Variants in FHIT observed in about 807,000 individuals in gnomAD.
The protein encoded by FHIT is bis(5'-adenosyl)-triphosphatase.
In FHIT, 19 loss-of-function variants were observed where a neutral mutation model predicts 17.9. The observed-to-expected ratio is 1.06, with a 90% CI of 0.74 to 1.56. The LOEUF is 1.56. Ranked by LOEUF, FHIT falls within the 40% of genes most tolerant of loss-of-function variation. The probability of loss-of-function intolerance (pLI) is 0.00; values close to 1 mark genes in which losing one functional copy is unlikely to be tolerated. For synonymous variants in FHIT, 81 were observed against 69.7 expected (o/e 1.16, Z -0.81); for missense variants, 248 against 189.2 (o/e 1.31, Z -1.82).
chr3:60,402,630 T>C lies in FHIT; in HGVS notation c.103+134230A>G, dbSNP rs1343568963. 3.0e-4 allele frequency among the ~76,000 whole-genome samples: 45 copies of C among 152,280 alleles called. 1 individual carries two copies. ...GCACCAGATTTCTGACAGACACCTG[T>C]TTGCAAATTATCTAAGTTTCAGAGC... On this transcript the variant is annotated intron_variant, in intron 5 of 9. Coordinates refer to ENST00000492590, the MANE Select transcript of FHIT (RefSeq NM_002012.4).
chr3:60,221,026 A>G (rs78569366), intron 5 of FHIT, among the ~76,000 whole-genome samples: 2,115 of 152,264 alleles, frequency 0.014, 53 homozygotes, highest in African/African-American at 0.048. Context: ...TGAATTAACA[A>G]TAACACATTT....
At chr3:60,451,829 G>GA (rs961117908) in intron 5 of FHIT, among the ~76,000 whole-genome samples, 12 of 151,910 alleles carry the variant, frequency 7.9e-5, no homozygotes, top group African/African-American at 2.7e-4. Context: ...AGCAATATGG[G>GA]AAAAAAAGAA....
At position 60,014,017 on chromosome 3, in the gene FHIT, A is replaced by G; in HGVS notation, c.239T>C (p.Phe80Ser). The G allele has an allele frequency of 1.2e-6, 2 of 1,613,992 alleles. No individual in the cohort carries two copies. The highest frequency in any genetic ancestry group is 1.1e-5 in the South Asian group (1 of 91,078). Residue 80 changes from phenylalanine (F) to serine (S), a missense_variant, in exon 6 of 10, where the codon TTT becomes TCT. By Grantham distance (155) the Phe-to-Ser change is radical (BLOSUM62 -2). Coordinates refer to ENST00000492590, the MANE Select transcript of FHIT (RefSeq NM_002012.4). Reference protein sequence around the residue: ...EKHFHGTSLTFSMQDGPEAGQ... With the variant: ...EKHFHGTSLTSSMQDGPEAGQ... ...AATCTGTACACTCACCTGCATGGAA[A>G]AGGTGAGAGAGGTCCCATGGAAATG...
chr3:59,948,230 C>T (rs919750712), intron 7 of FHIT, among the ~76,000 whole-genome samples: 6 of 151,734 alleles, frequency 4.0e-5, no homozygotes, highest in African/African-American at 7.3e-5. Flanking sequence ...CTCGGCCAGG[C>T]GCAGTAGATC....
intron 3 of FHIT, among the ~76,000 whole-genome samples, chr3:61,031,242 C>A (rs1345257226): frequency 6.6e-6 from 1 of 152,174 alleles, no homozygotes; most frequent in South Asian, 2.1e-4. Flanking sequence ...TAATGATACA[C>A]AAACAAGTTA....
chr3:59,802,750 A>G (rs1237125129), intron 8 of FHIT, among the ~76,000 whole-genome samples: 1 of 152,154 alleles, frequency 6.6e-6, no homozygotes, highest in African/African-American at 2.4e-5. Flanking sequence ...CAATTGTTTT[A>G]TGTGCCCAGC....
chr3:60,641,304 A>AT (rs2039718997), intron 4 of FHIT, among the ~76,000 whole-genome samples: 1 of 152,202 alleles, frequency 6.6e-6, no homozygotes, highest in Non-Finnish European at 1.5e-5. Flanking sequence ...ATGTAAGAAT[A>AT]TTTTTACAAA....
intron 5 of FHIT, among the ~76,000 whole-genome samples, chr3:60,352,202 C>T (rs748785737): frequency 6.6e-6 from 1 of 152,092 alleles, no homozygotes; most frequent in Admixed American, 6.6e-5. Context: ...CCAAGAGAAG[C>T]AACTTAATTA....
chr3:60,098,713 T>C (rs966404510), intron 5 of FHIT, among the ~76,000 whole-genome samples: 1 of 152,222 alleles, frequency 6.6e-6, no homozygotes, highest in African/African-American at 2.4e-5. Flanking sequence ...AGAAGCTCTT[T>C]AGTTCTTACT....
At chr3:61,225,710 T>G (rs2039954002) in intron 1 of FHIT, among the ~76,000 whole-genome samples, 1 of 152,248 alleles carries the variant, frequency 6.6e-6, no homozygotes, top group African/African-American at 2.4e-5. Context: ...CTTTAGAGTT[T>G]TATTGGACTA....
At chr3:59,861,815 G>T (rs1398977538) in intron 8 of FHIT, among the ~76,000 whole-genome samples, 1 of 152,008 alleles carries the variant, frequency 6.6e-6, no homozygotes, top group Non-Finnish European at 1.5e-5. Flanking sequence ...AAACAATACA[G>T]CTGAGGAAGA....
chr3:59,758,882 T>C (rs1239561936), intron 8 of FHIT, among the ~76,000 whole-genome samples: 1 of 152,004 alleles, frequency 6.6e-6, no homozygotes, highest in Non-Finnish European at 1.5e-5. Flanking sequence ...GGGTGATGCA[T>C]TGGCCTTTAA....
At chr3:60,739,516 G>A (rs182711950) in intron 4 of FHIT, among the ~76,000 whole-genome samples, 2 of 152,302 alleles carry the variant, frequency 1.3e-5, no homozygotes, top group East Asian at 1.9e-4. Flanking sequence ...CCCCATGAGT[G>A]GGGCCAGGGA....
At chr3:60,604,191 C>T (rs1260694093) in intron 4 of FHIT, among the ~76,000 whole-genome samples, 4 of 152,106 alleles carry the variant, frequency 2.6e-5, no homozygotes, top group African/African-American at 9.7e-5. Flanking sequence ...ACAGGTGAGT[C>T]TGGCCTTGTG....
At chr3:59,994,184 A>G (rs187209485) in intron 7 of FHIT, among the ~76,000 whole-genome samples, 56 of 152,196 alleles carry the variant, frequency 3.7e-4, no homozygotes, top group African/African-American at 1.0e-3. Context: ...CTGCCTTACA[A>G]AAATAAGATA....
chr3:59,770,828 C>T (rs1434776346), intron 8 of FHIT, among the ~76,000 whole-genome samples: 3 of 152,146 alleles, frequency 2.0e-5, no homozygotes, highest in Non-Finnish European at 4.4e-5. Flanking sequence ...CACAACAGGC[C>T]TTTCGGACTC....
chr3:61,035,460 A>T (rs2033196155), intron 3 of FHIT, among the ~76,000 whole-genome samples: 1 of 152,272 alleles, frequency 6.6e-6, no homozygotes, highest in South Asian at 2.1e-4. Context: ...ACTACCCAAA[A>T]TTTACTTTGC....
At chr3:60,902,887 A>T (rs11130794) in intron 3 of FHIT, among the ~76,000 whole-genome samples, 1 of 152,010 alleles carries the variant, frequency 6.6e-6, no homozygotes, top group Admixed American at 6.6e-5. Flanking sequence ...ACAGCATAGA[A>T]AGAAATCTTT....
intron 3 of FHIT, among the ~76,000 whole-genome samples, chr3:60,963,987 G>C (rs1368709430): frequency 6.6e-6 from 1 of 152,144 alleles, no homozygotes; most frequent in Non-Finnish European, 1.5e-5. Flanking sequence ...GGATATCATT[G>C]TTAACTTTCT....
Sources: allele counts gnomAD v4.1 joint callset (sites outside exome capture counted in the v4.1 genomes callset), GRCh38; gene constraint gnomAD v4.1.1; transcripts MANE v1.5; gene names NCBI Gene and HGNC (gene_info 2026-07-23, HGNC 2026-07-21).